The following PRELID3A variants were observed in gnomAD, a reference collection of about 807,000 sequenced individuals.
The protein encoded by PRELID3A is PRELI domain containing protein 3A.
In PRELID3A, 27 loss-of-function variants were observed where a neutral mutation model predicts 23.0. That is an observed-to-expected ratio of 1.17 (90% CI 0.87 to 1.62). The LOEUF is 1.62. PRELID3A is among the 40% of genes most tolerant of loss of function. The pLI is 0.00. For synonymous variants in PRELID3A, 87 were observed against 86.4 expected, an observed-to-expected ratio of 1.01 and a Z score of -0.04; for missense variants, 231 against 231.4, an observed-to-expected ratio of 1.00 and a Z score of 0.01.
chr18:12,423,598 T>G (rs1286411906), intron 3 of PRELID3A, among the ~76,000 whole-genome samples: 1 of 152,140 alleles, frequency 6.6e-6, no homozygotes, highest in African/African-American at 2.4e-5. Flanking sequence ...ATGCAGCCCC[T>G]GCACAGCAGG....
At chr18:12,430,713 T>C (rs976402735) in intron 6 of PRELID3A, among the ~76,000 whole-genome samples, 1 of 149,098 alleles carries the variant, frequency 6.7e-6, no homozygotes, top group Non-Finnish European at 1.5e-5. Context: ...AATGTGTGTA[T>C]AGTGTGTGCT....
intron 1 of PRELID3A, chr18:12,420,095 A>T (rs1408857780): frequency 2.1e-6 from 3 of 1,411,048 alleles, no homozygotes; most frequent in East Asian, 2.6e-5. Flanking sequence ...ACAGAGTGAG[A>T]CCCTGTCTCA....
At chr18:12,421,381 G>T in intron 2 of PRELID3A, 159 bp from the exon 3 acceptor site, 1 of 601,310 alleles carries the variant, frequency 1.7e-6, no homozygotes. Flanking sequence ...TGCTGGAGCG[G>T]AAGCGCCCTG....
intron 3 of PRELID3A, among the ~76,000 whole-genome samples, chr18:12,426,252 G>A (rs1156667373): frequency 1.3e-5 from 2 of 149,956 alleles, no homozygotes; most frequent in African/African-American, 2.5e-5. Flanking sequence ...AAATAAGAGA[G>A]AAAAAGAAAA....
chr18:12,408,416 C>G (rs895546881), intron 1 of PRELID3A, among the ~76,000 whole-genome samples: 4 of 152,118 alleles, frequency 2.6e-5, no homozygotes, highest in Admixed American at 1.3e-4. Context: ...GGCCTGCAAG[C>G]TGGCGCCTTT....
intron 1 of PRELID3A, among the ~76,000 whole-genome samples, chr18:12,410,287 G>C (rs767400344): frequency 1.3e-5 from 2 of 152,254 alleles, no homozygotes; most frequent in Non-Finnish European, 2.9e-5. Context: ...TTCCAGGACA[G>C]GGGCAGCTAT....
intron 3 of PRELID3A, among the ~76,000 whole-genome samples, chr18:12,425,846 G>GGC (rs1568165483): frequency 6.6e-6 from 1 of 151,216 alleles, no homozygotes; most frequent in Non-Finnish European, 1.5e-5. Flanking sequence ...AGGCTGAAGT[G>GGC]AGAGGATCAC....
At chr18:12,427,750 C>A (rs1387506524) in intron 5 of PRELID3A, among the ~76,000 whole-genome samples, 1 of 151,792 alleles carries the variant, frequency 6.6e-6, no homozygotes, top group Admixed American at 6.6e-5. Context: ...AGTGCTGGGG[C>A]TCTCCATTTA....
intron 3 of PRELID3A, among the ~76,000 whole-genome samples, chr18:12,423,108 G>T (rs1229013533): frequency 2.6e-5 from 4 of 152,208 alleles, no homozygotes; most frequent in African/African-American, 9.7e-5. Context: ...AGGGAGCCTG[G>T]CAGGACTTCT....
intron 3 of PRELID3A, among the ~76,000 whole-genome samples, chr18:12,426,403 A>C (rs565294630): frequency 3.3e-5 from 5 of 149,856 alleles, no homozygotes; most frequent in East Asian, 2.0e-4. Context: ...AAATACAAAA[A>C]ATTAGCTGGG....
Position 12,414,670 on chromosome 18 carries a change from G to A in PRELID3A, c.33-5655G>A, listed in dbSNP as rs370875229. The stretch of plus-strand genomic sequence containing the variant: ...GAACCCGGGAGGTGGAGGTTGCAGT[G>A]AGTTGAGATCACACCCACTGCATCC... On this transcript the variant is annotated intron_variant, in intron 1 of 6. Transcript: ENST00000440960. Among the ~76,000 whole-genome samples, 5 of 152,228 alleles carry A rather than the reference G, an allele frequency of 3.3e-5. 1 individual carries two copies. Among genetic ancestry groups the A allele is most frequent in the Admixed American group, 6.5e-5 (1 of 15,292 alleles).
chr18:12,427,223 C>A lies in PRELID3A; in HGVS notation c.365C>A (p.Thr122Asn). 3 of 1,613,966 alleles carry A rather than the reference C, an allele frequency of 1.9e-6. No individual in the cohort carries two copies. Among genetic ancestry groups the A allele is most frequent in the African/African-American group, 1.3e-5 (1 of 75,042 alleles). ...CTTTTCTTCTTGCTCTTTTGCAGGA[C>A]CGTGCTCACACAAGAAGCCATCATC... ...YTPHPENPEM[T>N]VLTQEAIITV... The change falls in exon 5 of 7, where the codon ACC becomes AAC. Residue 122 changes from threonine (T) to asparagine (N), a missense_variant and splice_region_variant. By Grantham distance (65) the Thr-to-Asn change is moderately conservative. Coordinates refer to ENST00000440960, the MANE Select transcript of PRELID3A (RefSeq NM_001142405.2).
Position 12,420,485 on chromosome 18 carries a change from G to A in PRELID3A, c.193G>A (p.Val65Met). 6.5e-7 allele frequency: 1 copy of A among 1,536,732 alleles called. No homozygotes were observed. The highest frequency in any genetic ancestry group is 1.2e-5 in the South Asian group (1 of 83,130). Residue 65 changes from valine to methionine, a missense_variant, in exon 2 of 7, where the codon GTG becomes ATG. Transcript: ENST00000440960. ...CACCGAGTGGGGGCTGCCCAGCCTC[G>A]TGAGAGCGGTGAGCGGGGCGGGGGC... ...LSTEWGLPSLVRAILGTSRTL... is the reference protein window; with the variant it reads ...LSTEWGLPSLMRAILGTSRTL...
chr18:12,430,756 ATG>A (rs1165754535), intron 6 of PRELID3A, among the ~76,000 whole-genome samples: 2 of 90,428 alleles, frequency 2.2e-5, no homozygotes, highest in Admixed American at 1.1e-4. Flanking sequence ...GTGTGTGTGC[ATG>A]TGTGTGATGT....
At chr18:12,421,656 G>C (rs371518067) in intron 3 of PRELID3A, 27 bp downstream of exon 3, 5 of 1,493,744 alleles carry the variant, frequency 3.3e-6, no homozygotes, top group African/African-American at 2.8e-5. Flanking sequence ...GATGAGAAAC[G>C]GGCTCAGTGT....
At chr18:12,416,502 A>G (rs369868847) in intron 1 of PRELID3A, among the ~76,000 whole-genome samples, 3 of 152,158 alleles carry the variant, frequency 2.0e-5, no homozygotes, top group African/African-American at 7.2e-5. Flanking sequence ...TTTTGTAGAG[A>G]TGAGGGGTCT....
chr18:12,409,857 C>G (rs1909853937), intron 1 of PRELID3A, among the ~76,000 whole-genome samples: 1 of 152,086 alleles, frequency 6.6e-6, no homozygotes, highest in Non-Finnish European at 1.5e-5. Context: ...CCGAAGGATA[C>G]TTTACATACC....
At position 12,419,736 on chromosome 18, in the gene PRELID3A, G is replaced by C. The variant is rs140036572; in HGVS notation, c.33-589G>C. ...GGGCAGATCACGAGGTCAGGAGATCGAGAGCACGGTGAAACCCCCTCTCTA... is the reference window on the plus strand; with the variant it reads ...GGGCAGATCACGAGGTCAGGAGATCCAGAGCACGGTGAAACCCCCTCTCTA... On this transcript the variant is annotated intron_variant, in intron 1 of 6. Transcript: ENST00000440960. 7.9e-3 allele frequency among the ~76,000 whole-genome samples: 1,203 copies of C among 152,044 alleles called. 23 individuals are homozygous for C. Among genetic ancestry groups the C allele is most frequent in the African/African-American group, 0.028 (1,173 of 41,462 alleles).
At chr18:12,417,084 G>A (rs1259901957) in intron 1 of PRELID3A, among the ~76,000 whole-genome samples, 1 of 152,160 alleles carries the variant, frequency 6.6e-6, no homozygotes, top group Non-Finnish European at 1.5e-5. Context: ...TGGTCATCCT[G>A]CTGTAATTAG....
Sources: allele counts gnomAD v4.1 joint callset (sites outside exome capture counted in the v4.1 genomes callset), GRCh38; gene constraint gnomAD v4.1.1; transcripts MANE v1.5; gene names NCBI Gene and HGNC (gene_info 2026-07-23, HGNC 2026-07-21).